Variants in KDM4C observed in about 807,000 individuals in gnomAD.
KDM4C encodes the protein lysine-specific demethylase 4C.
Under a neutral mutation model 129.3 loss-of-function variants are expected in KDM4C, and 81 were observed. That is an observed-to-expected ratio of 0.63 (90% CI 0.52 to 0.75). KDM4C has a LOEUF of 0.75. Among genes scored for constraint, KDM4C ranks in the 30% least tolerant of loss-of-function variants. The pLI is 0.00. For synonymous variants in KDM4C, 573 were observed against 456.1 expected (o/e 1.26, Z -3.26); for missense variants, 1,457 against 1,304.0 (o/e 1.12, Z -1.81).
At chr9:7,024,227 T>A (rs970346421) in intron 15 of KDM4C, among the ~76,000 whole-genome samples, 1 of 152,092 alleles carries the variant, frequency 6.6e-6, no homozygotes, top group African/African-American at 2.4e-5. Flanking sequence ...GAGTGTGGTG[T>A]GTTGATGTCT....
At chr9:6,839,157 GTCT>G (rs758177688) in intron 4 of KDM4C, among the ~76,000 whole-genome samples, 6 of 152,146 alleles carry the variant, frequency 3.9e-5, no homozygotes, top group Non-Finnish European at 7.4e-5. Flanking sequence ...TAAAGACAAA[GTCT>G]TCTAATGTGG....
intron 17 of KDM4C, among the ~76,000 whole-genome samples, chr9:7,058,210 G>A (rs1379711314): frequency 6.6e-6 from 1 of 152,142 alleles, no homozygotes. Flanking sequence ...TTTGCCTTTG[G>A]GGGATAAATC....
intron 5 of KDM4C, among the ~76,000 whole-genome samples, chr9:6,865,175 A>AT (rs1181544525): frequency 1.3e-5 from 2 of 151,638 alleles, no homozygotes; most frequent in African/African-American, 4.8e-5. Flanking sequence ...CACCTGGCTA[A>AT]TTTTTTGTAT....
chr9:7,132,604 A>G (rs1436678379), intron 19 of KDM4C, among the ~76,000 whole-genome samples: 8 of 152,214 alleles, frequency 5.3e-5, no homozygotes, highest in East Asian at 3.9e-4. Context: ...CTGTCAGTCT[A>G]TGAAATTGGG....
At chr9:7,068,287 C>G (rs767235299) in intron 17 of KDM4C, among the ~76,000 whole-genome samples, 9 of 152,140 alleles carry the variant, frequency 5.9e-5, no homozygotes, top group Non-Finnish European at 8.8e-5. Flanking sequence ...TTTGGTCTTA[C>G]TATAAACCCA....
Position 7,169,873 on chromosome 9 carries a change from A to C in KDM4C, c.2977A>C (p.Arg993=). The C allele has an allele frequency of 6.2e-7, 1 of 1,614,078 alleles. No individual in the cohort carries two copies. Residue 993 remains arginine (R), a synonymous_variant, in exon 21 of 22, where the codon AGA becomes CGA. Coordinates refer to ENST00000381309, the MANE Select transcript of KDM4C (RefSeq NM_015061.6). ...CACTTTAGATGAAGAGTTACCCAAG[A>C]GAGTGAAAGCTCGATTTGTAAGTGC... ...IYTLDEELPK[R]VKARFSTASD... is the part of the protein sequence containing the mutation.
intron 8 of KDM4C, chr9:6,925,636 C>A: frequency 3.0e-6 from 3 of 985,362 alleles, no homozygotes; most frequent in Non-Finnish European, 3.6e-6. Context: ...TACCATCAGC[C>A]CTTCACCGTT....
chr9:6,835,345 C>G (rs1835689844), intron 4 of KDM4C: 1 of 1,005,898 alleles, frequency 9.9e-7, no homozygotes, highest in African/African-American at 1.6e-5. Flanking sequence ...CAACACATTG[C>G]TGTCTGGCGG....
intron 15 of KDM4C, among the ~76,000 whole-genome samples, chr9:7,028,872 A>G (rs748575501): frequency 1.3e-4 from 20 of 152,106 alleles, no homozygotes; most frequent in Non-Finnish European, 2.8e-4. Context: ...TTCTCTTACA[A>G]TTTCTGTGCT....
chr9:7,128,879 G>C (rs16925433), intron 19 of KDM4C, among the ~76,000 whole-genome samples: 28,874 of 152,108 alleles, frequency 0.19, 2,812 homozygotes, highest in East Asian at 0.27. Context: ...CTCATTCTGA[G>C]GAACTAGTGA....
chr9:6,739,005 G>A (rs1817608575), intron 1 of KDM4C, among the ~76,000 whole-genome samples: 1 of 151,968 alleles, frequency 6.6e-6, no homozygotes, highest in South Asian at 2.1e-4. Context: ...GCCTCCCAAA[G>A]TGCTGGGATT....
chr9:7,091,943 C>A (rs149020120), intron 17 of KDM4C, among the ~76,000 whole-genome samples: 1 of 152,184 alleles, frequency 6.6e-6, no homozygotes, highest in Admixed American at 6.5e-5. Flanking sequence ...TGCGCTGTTT[C>A]CTGAAGTGTT....
chr9:6,730,958 G>A (rs1817312112), intron 1 of KDM4C, among the ~76,000 whole-genome samples: 1 of 152,204 alleles, frequency 6.6e-6, no homozygotes, highest in Non-Finnish European at 1.5e-5. Context: ...TAGTTAGGTT[G>A]CAGCTTGACC....
At chr9:6,874,068 G>A (rs368108985) in intron 5 of KDM4C, among the ~76,000 whole-genome samples, 63 of 152,054 alleles carry the variant, frequency 4.1e-4, no homozygotes, top group African/African-American at 1.4e-3. Flanking sequence ...CAATAGCAGT[G>A]GCAACATCAA....
chr9:6,820,555 C>T (rs1000969441), intron 4 of KDM4C, among the ~76,000 whole-genome samples: 6 of 151,958 alleles, frequency 3.9e-5, no homozygotes, highest in African/African-American at 7.3e-5. Flanking sequence ...TTTTAAGGAG[C>T]AGAGAAGGTG....
At chr9:7,080,140 A>T (rs994253431) in intron 17 of KDM4C, among the ~76,000 whole-genome samples, 1 of 152,162 alleles carries the variant, frequency 6.6e-6, no homozygotes, top group Non-Finnish European at 1.5e-5. Flanking sequence ...CTTGGTCCAC[A>T]ACTAGTCCAC....
intron 5 of KDM4C, among the ~76,000 whole-genome samples, chr9:6,865,341 C>T (rs1181058431): frequency 6.6e-6 from 1 of 152,110 alleles, no homozygotes; most frequent in African/African-American, 2.4e-5. Flanking sequence ...TCTTGAACTC[C>T]TTTTCTGTGT....
intron 6 of KDM4C, among the ~76,000 whole-genome samples, chr9:6,886,380 T>G (rs1845263130): frequency 6.6e-6 from 1 of 151,618 alleles, no homozygotes. Context: ...TGGTGCAATC[T>G]CAGTTCACTG....
At chr9:6,935,317 T>G (rs2131344427) in intron 8 of KDM4C, among the ~76,000 whole-genome samples, 1 of 151,040 alleles carries the variant, frequency 6.6e-6, no homozygotes, top group South Asian at 2.1e-4. Context: ...TAATCCCTAC[T>G]CATCTCACCT....
Sources: allele counts gnomAD v4.1 joint callset (sites outside exome capture counted in the v4.1 genomes callset), GRCh38; gene constraint gnomAD v4.1.1; transcripts MANE v1.5; gene names NCBI Gene and HGNC (gene_info 2026-07-23, HGNC 2026-07-21).